The following COL6A3 variants were observed in gnomAD, a reference collection of about 807,000 sequenced individuals.
COL6A3 encodes the protein collagen alpha-3(VI) chain.
COL6A3 carries 137 observed loss-of-function variants against 274.1 expected under a neutral mutation model. That is an observed-to-expected ratio of 0.50 (90% CI 0.44 to 0.58). The LOEUF (loss-of-function observed/expected upper bound fraction) is 0.58, where lower values mean the gene tolerates loss of function less well. Ranked by LOEUF, COL6A3 falls within the 20% of genes least tolerant of loss-of-function variation. The probability of loss-of-function intolerance (pLI) is 0.00; values close to 1 mark genes in which losing one functional copy is unlikely to be tolerated. For missense variants in COL6A3, 3,950 were observed against 4,124.9 expected (o/e 0.96, Z 1.16); for synonymous variants, 1,650 against 1,650.6 (o/e 1.00, Z 0.01).
chr2:237,358,414 CGT>C, intron 21 of COL6A3, 105 bp downstream of exon 21: 1 of 939,298 alleles, frequency 1.1e-6, no homozygotes, highest in Non-Finnish European at 1.7e-6. Flanking sequence ...ATTTTATCAA[CGT>C]GTTTTAAAGC....
At position 237,388,119 on chromosome 2, in the gene COL6A3, C is replaced by A; in HGVS notation, c.775G>T (p.Ala259Ser). ...TTTACAAGGAAGTCGAGAATGACTGCGAAATTGACACTTCCGGTGTTGTTT... is the reference window on the plus strand; with the variant it reads ...TTTACAAGGAAGTCGAGAATGACTGAGAAATTGACACTTCCGGTGTTGTTT... ...GSNNTGSVNF[A>S]VILDFLVNLL... The change falls in exon 4 of 44, where the codon GCA becomes TCA. Residue 259 changes from alanine to serine, a missense_variant. Ala to Ser is a moderately conservative substitution (Grantham distance 99). Around this residue, in one of 5 missense-constraint regions of COL6A3, gnomAD observed 1,934 missense variants for 1,984.3 expected, o/e 0.97. Transcript: ENST00000295550. 1.2e-6 allele frequency: 2 copies of A among 1,614,068 alleles called. No individual in the cohort carries two copies. Among genetic ancestry groups the A allele is most frequent in the East Asian group, 2.2e-5 (1 of 44,880 alleles).
rs2077994031 is a variant in COL6A3, at chr2:237,381,175, G to A, written c.1637C>T (p.Ala546Val). The A allele has an allele frequency of 6.2e-7, 1 of 1,614,130 alleles. No homozygotes were observed. Among genetic ancestry groups the A allele is most frequent in the South Asian group, 1.1e-5 (1 of 91,096 alleles). The change falls in exon 5 of 44, where the codon GCC becomes GTC. Residue 546 changes from alanine to valine, a missense_variant. Ala to Val is a moderately conservative substitution (Grantham distance 64). This residue lies in a region of COL6A3 where 1,934 missense variants were observed against 1,984.3 expected (regional missense o/e 0.97). Coordinates refer to ENST00000295550, the MANE Select transcript of COL6A3 (RefSeq NM_004369.4). ...LFTSSAGYRAAEGIPKLLVLI... is the reference protein window; with the variant it reads ...LFTSSAGYRAVEGIPKLLVLI... ...CACCAAAAGCTTAGGAATCCCCTCGGCAGCCCGGTAGCCGGCTGAACTCGT... is the reference window on the plus strand; with the variant it reads ...CACCAAAAGCTTAGGAATCCCCTCGACAGCCCGGTAGCCGGCTGAACTCGT...
At chr2:237,394,392 A>G (rs1234954415) in intron 3 of COL6A3, among the ~76,000 whole-genome samples, 195 bp downstream of exon 3, 3 of 152,216 alleles carry the variant, frequency 2.0e-5, no homozygotes, top group Non-Finnish European at 4.4e-5. Context: ...CTCTTCTTGT[A>G]TGTAGGTGAA....
intron 1 of COL6A3, 48 bp from the exon 2 acceptor site, chr2:237,396,895 T>C: frequency 7.6e-7 from 1 of 1,319,896 alleles, no homozygotes; most frequent in South Asian, 1.2e-5. Context: ...TTGACTCTCA[T>C]TATGCAAAAT....
chr2:237,372,051 G>A lies in COL6A3; in HGVS notation c.3966C>T (p.Asn1322=). The change falls in exon 9 of 44, where the codon AAC becomes AAT. Residue 1322 remains asparagine, a synonymous_variant. Coordinates refer to ENST00000295550, the MANE Select transcript of COL6A3 (RefSeq NM_004369.4). ...VGNALEYVSR[N]IFKRPLGSRI... is the part of the protein sequence containing the mutation. ...GGCTCCCCAGGGGCCTCTTGAAGAT[G>A]TTCCTGGACACGTACTCCAGGGCAT... 6.2e-7 allele frequency: 1 copy of A among 1,614,080 alleles called. No homozygotes were observed. Among genetic ancestry groups the A allele is most frequent in the South Asian group, 1.1e-5 (1 of 91,086 alleles).
chr2:237,366,114 A>C, intron 11 of COL6A3, 79 bp from the exon 12 acceptor site: 1 of 1,302,110 alleles, frequency 7.7e-7, no homozygotes, highest in Non-Finnish European at 1.1e-6. Flanking sequence ...CAGTAGGGAC[A>C]ACCCAGGCAG....
In COL6A3 at chr2:237,371,579, C is replaced by T; in HGVS notation, c.4285+153G>A. ...TGCCACTGCACTCCAGCCTGGACGA[C>T]AGAGCCAGACCCTGTCTCAAAATAA... On this transcript the variant is annotated intron_variant, in intron 9 of 43. Transcript: ENST00000295550. The surrounding 1 kb of genome is among the most constrained non-coding windows in gnomAD (Gnocchi z 4.3). 6.8e-7 allele frequency: 1 copy of T among 1,470,130 alleles called. No homozygotes were observed. Among genetic ancestry groups the T allele is most frequent in the African/African-American group, 1.4e-5 (1 of 70,594 alleles). The allele number at this position is 1,470,130 out of a possible 1,614,324, so 91.1% of individuals were successfully genotyped here. A position where few individuals can be genotyped will look rare whatever the true frequency, so the allele number is the denominator to read the frequency against.
intron 36 of COL6A3, chr2:237,343,858 G>A (rs918551647): frequency 1.2e-5 from 3 of 240,832 alleles, no homozygotes; most frequent in East Asian, 1.0e-4. Context: ...AGCCTCTCAC[G>A]AGCACCTCAC....
At chr2:237,354,741 C>T (rs555714155) in intron 24 of COL6A3, among the ~76,000 whole-genome samples, 158 bp downstream of exon 24, 5 of 152,162 alleles carry the variant, frequency 3.3e-5, no homozygotes, top group African/African-American at 9.7e-5. Flanking sequence ...GGCTGTGTCA[C>T]GGGCATGTCT....
intron 17 of COL6A3, 88 bp from the exon 18 acceptor site, chr2:237,359,476 C>T: frequency 1.5e-6 from 2 of 1,347,688 alleles, no homozygotes; most frequent in South Asian, 1.2e-5. Flanking sequence ...TTCCCCCACT[C>T]CACCCCATTT....
chr2:237,406,175 T>C (rs1292641471), intron 1 of COL6A3, among the ~76,000 whole-genome samples: 3 of 152,212 alleles, frequency 2.0e-5, no homozygotes, highest in Admixed American at 2.0e-4. Flanking sequence ...GAAATCATAT[T>C]CAATCATATT....
chr2:237,342,301 T>C (rs1348938134), intron 36 of COL6A3, 140 bp from the exon 37 acceptor site: 5 of 728,102 alleles, frequency 6.9e-6, no homozygotes, highest in Non-Finnish European at 1.2e-5. Context: ...TATCTTCTCA[T>C]TTGGGGGTGG....
chr2:237,381,609 C>CA (rs1482165803), intron 4 of COL6A3, 110 bp from the exon 5 acceptor site: 5 of 924,220 alleles, frequency 5.4e-6, no homozygotes, highest in Non-Finnish European at 6.8e-6. Context: ...TTACTGTGGC[C>CA]AACGTGACCA....
At position 237,371,483 on chromosome 2, in the gene COL6A3, A is replaced by C; in HGVS notation, c.4285+249T>G. The C allele has an allele frequency of 1.5e-6, 1 of 655,498 alleles. No homozygotes were observed. The highest frequency in any genetic ancestry group is 3.6e-5 in the South Asian group (1 of 28,054). The allele number at this position is 655,498 out of a possible 1,614,324, so 40.6% of individuals were successfully genotyped here. ...CGTGGTGGTATGAACCTGTAGTCCT[A>C]GCTACTGAGGAGGCTGAAGTGGGAG... On this transcript the variant is annotated intron_variant, in intron 9 of 43. Coordinates refer to ENST00000295550, the MANE Select transcript of COL6A3 (RefSeq NM_004369.4). This position sits in a 1 kb window ranked among gnomAD's most constrained non-coding sequence, Gnocchi z 4.3.
intron 3 of COL6A3, among the ~76,000 whole-genome samples, chr2:237,393,499 T>G (rs888522315): frequency 6.6e-6 from 1 of 152,242 alleles, no homozygotes; most frequent in Non-Finnish European, 1.5e-5. Context: ...CCTTTTCTCA[T>G]GCCTTCCCTC....
Position 237,407,282 on chromosome 2 carries a change from T to C in COL6A3, c.-31+6671A>G, listed in dbSNP as rs1388217409. Among the ~76,000 whole-genome samples the C allele has an allele frequency of 6.6e-6, 1 of 152,220 alleles. No individual in the cohort carries two copies. Among genetic ancestry groups the C allele is most frequent in the Admixed American group, 6.5e-5 (1 of 15,282 alleles). ...TGACTCAAACTGAATGTGTATCCTGTGATAGCAACATTTTAAAACTCTTCT... is the reference window on the plus strand; with the variant it reads ...TGACTCAAACTGAATGTGTATCCTGCGATAGCAACATTTTAAAACTCTTCT... On this transcript the variant is annotated intron_variant, in intron 1 of 43. Coordinates refer to ENST00000295550, the MANE Select transcript of COL6A3 (RefSeq NM_004369.4). The surrounding 1 kb of genome is among the most constrained non-coding windows in gnomAD (Gnocchi z 4.3).
Position 237,374,857 on chromosome 2 carries a change from G to C in COL6A3, c.3234C>G (p.Pro1078=). 1 of 1,613,952 alleles carries C rather than the reference G, an allele frequency of 6.2e-7. No homozygotes were observed. Among genetic ancestry groups the C allele is most frequent in the Non-Finnish European group, 8.5e-7 (1 of 1,180,022 alleles). Residue 1078 remains proline (P), a synonymous_variant, in exon 8 of 44, where the codon CCC becomes CCG. Coordinates refer to ENST00000295550, the MANE Select transcript of COL6A3 (RefSeq NM_004369.4). The surrounding 1 kb of genome is among the most constrained non-coding windows in gnomAD (Gnocchi z 4.8). ...TCATGTATGAATTCAGGTAGAACTCGGGCCTGGTCCGGTCGCTGTACTGCA... is the reference window on the plus strand; with the variant it reads ...TCATGTATGAATTCAGGTAGAACTCCGGCCTGGTCCGGTCGCTGTACTGCA... The part of the protein sequence containing the change: ...AVVQYSDRTR[P]EFYLNSYMNK...
chr2:237,361,907 G>T lies in COL6A3; in HGVS notation c.6064-76C>A. The T allele has an allele frequency of 3.1e-6, 4 of 1,293,720 alleles. No individual in the cohort carries two copies. The Admixed American group carries it at 5.1e-5, about 17-fold the overall frequency. 80.1% of individuals were successfully genotyped at this position (1,293,720 alleles called of 1,614,324 possible). On this transcript the variant is annotated intron_variant, in intron 14 of 43. Coordinates refer to ENST00000295550, the MANE Select transcript of COL6A3 (RefSeq NM_004369.4). The surrounding 1 kb of genome is among the most constrained non-coding windows in gnomAD (Gnocchi z 5.1). ...AGAAAATCATAAATGCGCTTTAAGG[G>T]TCAAAATCGGATGTGTGGGGGTTTC...
intron 4 of COL6A3, among the ~76,000 whole-genome samples, chr2:237,382,184 A>G (rs1369190828): frequency 6.6e-6 from 1 of 152,098 alleles, no homozygotes; most frequent in Non-Finnish European, 1.5e-5. Context: ...GGAGCTCAAG[A>G]CCAGCCTGGC....
Sources: allele counts gnomAD v4.1 joint callset (sites outside exome capture counted in the v4.1 genomes callset), GRCh38; gene constraint gnomAD v4.1.1; regional missense constraint gnomAD v4.1.1; non-coding constraint Gnocchi (gnomAD v3.1); transcripts MANE v1.5; gene names NCBI Gene and HGNC (gene_info 2026-07-23, HGNC 2026-07-21).